PI15: variants seen among roughly 807,000 people sequenced by gnomAD.
PI15 encodes 25 kDa trypsin inhibitor.
PI15 carries 18 observed loss-of-function variants against 31.0 expected under a neutral mutation model. That is an observed-to-expected ratio of 0.58 (90% CI 0.40 to 0.86). The LOEUF is 0.86. Ranked by LOEUF, PI15 falls within the 40% of genes least tolerant of loss-of-function variation. The probability of loss-of-function intolerance (pLI) is 0.00; values close to 1 mark genes in which losing one functional copy is unlikely to be tolerated. For synonymous variants in PI15, 118 were observed against 119.1 expected, an observed-to-expected ratio of 0.99 and a Z score of 0.06; for missense variants, 282 against 328.1, an observed-to-expected ratio of 0.86 and a Z score of 1.09.
At chr8:74,833,833 C>G (rs1810823029) in intron 2 of PI15, among the ~76,000 whole-genome samples, 1 of 152,196 alleles carries the variant, frequency 6.6e-6, no homozygotes, top group African/African-American at 2.4e-5. Flanking sequence ...CAAGCCCATG[C>G]TTTAAATCAG....
chr8:74,828,271 G>A (rs1586951285), intron 2 of PI15, among the ~76,000 whole-genome samples: 1 of 152,230 alleles, frequency 6.6e-6, no homozygotes, highest in Non-Finnish European at 1.5e-5. Context: ...AAGGGAGTGA[G>A]CCACTCTCAA....
chr8:74,827,663 G>A (rs975155372), intron 2 of PI15, among the ~76,000 whole-genome samples: 1 of 152,178 alleles, frequency 6.6e-6, no homozygotes, highest in African/African-American at 2.4e-5. Flanking sequence ...CTATTGGGGA[G>A]CATCTTCTCA....
chr8:74,841,884 T>C (rs1413457058), intron 2 of PI15, among the ~76,000 whole-genome samples: 1 of 152,224 alleles, frequency 6.6e-6, no homozygotes, highest in Non-Finnish European at 1.5e-5. Flanking sequence ...TGAGTTTATT[T>C]TGTGCAATCC....
intron 2 of PI15, among the ~76,000 whole-genome samples, chr8:74,835,167 C>G (rs913487213): frequency 6.6e-6 from 1 of 152,052 alleles, no homozygotes; most frequent in African/African-American, 2.4e-5. Flanking sequence ...ACAACCTTAC[C>G]CCCATCCCTT....
intron 2 of PI15, chr8:74,826,316 G>GT (rs1454734731): frequency 1.0e-6 from 1 of 977,498 alleles, no homozygotes; most frequent in Non-Finnish European, 1.2e-6. Flanking sequence ...CTTGGAGCCT[G>GT]TTTAAGGCAA....
chr8:74,826,454 A>T (rs1368552861), intron 2 of PI15: 1 of 177,804 alleles, frequency 5.6e-6, no homozygotes, highest in Non-Finnish European at 1.1e-5. Flanking sequence ...TATGTAAATA[A>T]GTTATATTAA....
At chr8:74,844,852 G>A (rs113143641) in intron 3 of PI15, 23 of 372,778 alleles carry the variant, frequency 6.2e-5, no homozygotes, top group African/African-American at 3.8e-4. Context: ...AGACATTGAT[G>A]ATTCCTGAAA....
chr8:74,826,993 G>A (rs755426563), intron 2 of PI15, among the ~76,000 whole-genome samples: 6 of 152,002 alleles, frequency 3.9e-5, no homozygotes, highest in Non-Finnish European at 7.4e-5. Context: ...AATTAGATGA[G>A]CAAACACATT....
chr8:74,833,861 A>G (rs896799883), intron 2 of PI15, among the ~76,000 whole-genome samples: 1 of 152,220 alleles, frequency 6.6e-6, no homozygotes, highest in Admixed American at 6.5e-5. Flanking sequence ...CCCAATTCCC[A>G]GGCTGCAGAC....
At chr8:74,842,561 A>C (rs1810960241) in intron 2 of PI15, among the ~76,000 whole-genome samples, 1 of 152,188 alleles carries the variant, frequency 6.6e-6, no homozygotes, top group African/African-American at 2.4e-5. Flanking sequence ...TGTGTATAAG[A>C]ATTATAAATA....
rs57644375 is a variant in PI15, at chr8:74,844,427, C to CTGTGTG, written c.392+366_392+371dup. Among the ~76,000 whole-genome samples, 1,151 of 141,778 alleles carry CTGTGTG rather than the reference C, an allele frequency of 8.1e-3. 5 individuals are homozygous for CTGTGTG. Among genetic ancestry groups the CTGTGTG allele is most frequent in the Non-Finnish European group, 0.011 (691 of 64,862 alleles). 93.0% of individuals were successfully genotyped at this position (141,778 alleles called of 152,430 possible). A position where few individuals can be genotyped will look rare whatever the true frequency, so the allele number is the denominator to read the frequency against. ...AAAAAGCCCCATGACTGTGCAGAGGCTGTGTGTGTGTGTGTGTGTGTGTGT... is the reference window on the plus strand; with the variant it reads ...AAAAAGCCCCATGACTGTGCAGAGGCTGTGTGTGTGTGTGTGTGTGTGTGTGTGTGT... On this transcript the variant is annotated intron_variant, in intron 3 of 5. Coordinates refer to ENST00000260113, the MANE Select transcript of PI15 (RefSeq NM_015886.5).
intron 2 of PI15, among the ~76,000 whole-genome samples, chr8:74,837,190 A>G (rs1213059264): frequency 6.6e-6 from 1 of 152,184 alleles, no homozygotes; most frequent in African/African-American, 2.4e-5. Context: ...TTTGATATAC[A>G]TAATATAGTG....
rs973609206 is a variant in PI15, at chr8:74,854,066, G to A, written c.*4813G>A. ...ACCTTTAATTATTGGCCTATCATTT[G>A]TTAGTGTTATTTGGTCATATTATTG... On this transcript the variant is annotated 3_prime_UTR_variant, in exon 6 of 6. Coordinates refer to ENST00000260113, the MANE Select transcript of PI15 (RefSeq NM_015886.5). The A allele has an allele frequency of 6.6e-6, 1 of 151,832 alleles. No individual in the cohort carries two copies. The highest frequency in any genetic ancestry group is 1.5e-5 in the Non-Finnish European group (1 of 67,874). The allele number at this position is 151,832 out of a possible 1,614,324, so 9.4% of individuals were successfully genotyped here.
chr8:74,848,714 A>AATAT lies in PI15; in HGVS notation c.642-388_642-385dup, dbSNP rs148483473. 3.2e-3 allele frequency among the ~76,000 whole-genome samples: 457 copies of AATAT among 142,774 alleles called. 5 individuals are homozygous for AATAT. Among genetic ancestry groups the AATAT allele is most frequent in the African/African-American group, 6.7e-3 (257 of 38,546 alleles). 93.7% of individuals were successfully genotyped at this position (142,774 alleles called of 152,430 possible). On this transcript the variant is annotated intron_variant, in intron 5 of 5. Coordinates refer to ENST00000260113, the MANE Select transcript of PI15 (RefSeq NM_015886.5). The stretch of plus-strand genomic sequence containing the variant: ...TATAAATATATATACAATATATATA[A>AATAT]ATATATATATATATATATAGAGAGA...
At chr8:74,832,670 A>T (rs1477317972) in intron 2 of PI15, among the ~76,000 whole-genome samples, 1 of 152,178 alleles carries the variant, frequency 6.6e-6, no homozygotes. Context: ...CTAACAGTTT[A>T]AAATGGTCAA....
At chr8:74,833,524 C>T (rs1166734867) in intron 2 of PI15, among the ~76,000 whole-genome samples, 1 of 151,952 alleles carries the variant, frequency 6.6e-6, no homozygotes, top group African/African-American at 2.4e-5. Flanking sequence ...AAACTTCCGG[C>T]TGCCAGATAA....
At chr8:74,825,068 C>A in intron 1 of PI15, 142 bp from the exon 2 acceptor site, 1 of 663,370 alleles carries the variant, frequency 1.5e-6, no homozygotes, top group Non-Finnish European at 2.7e-6. Context: ...TGTAGGTTAT[C>A]TCCTAGGCTT....
intron 2 of PI15, among the ~76,000 whole-genome samples, chr8:74,832,375 C>G (rs894403699): frequency 6.6e-6 from 1 of 152,092 alleles, no homozygotes; most frequent in Non-Finnish European, 1.5e-5. Context: ...GAACATTCTT[C>G]TACTACAAAG....
chr8:74,837,983 T>C (rs1810894052), intron 2 of PI15, among the ~76,000 whole-genome samples: 1 of 152,164 alleles, frequency 6.6e-6, no homozygotes, highest in African/African-American at 2.4e-5. Context: ...TTATGAATTT[T>C]TGTTCTTTCC....
Sources: gnomAD v4.1 joint callset for allele counts (sites outside exome capture counted in the v4.1 genomes callset) on GRCh38, gnomAD v4.1.1 for gene constraint, MANE v1.5 for transcripts, NCBI Gene and HGNC (gene_info 2026-07-23, HGNC 2026-07-21) for gene names.